TG: variants seen among roughly 807,000 people sequenced by gnomAD.
TG encodes thyroglobulin, also known as thyroid hormones.
Under a neutral mutation model 324.7 loss-of-function variants are expected in TG, and 270 were observed. The observed-to-expected ratio is 0.83, with a 90% CI of 0.75 to 0.92. The LOEUF (loss-of-function observed/expected upper bound fraction) is 0.92, where lower values mean the gene tolerates loss of function less well. Ranked by LOEUF, TG falls within the 40% of genes least tolerant of loss-of-function variation. The probability of loss-of-function intolerance (pLI) is 0.00; values close to 1 mark genes in which losing one functional copy is unlikely to be tolerated. For missense variants in TG, 3,591 were observed against 3,456.4 expected (o/e 1.04, Z -0.98); for synonymous variants, 1,401 against 1,327.0 (o/e 1.06, Z -1.21).
chr8:133,038,828 A>G (rs1327054522), intron 41 of TG: 5 of 779,512 alleles, frequency 6.4e-6, no homozygotes, highest in African/African-American at 3.5e-5. Flanking sequence ...TGAGAACAGG[A>G]GGAAAAGAAA....
At chr8:133,051,017 G>T (rs1490950396) in intron 41 of TG, 4 of 681,504 alleles carry the variant, frequency 5.9e-6, no homozygotes, top group Non-Finnish European at 7.9e-6. Context: ...AGATTTTCCA[G>T]CAGGAAATAC....
Position 133,018,171 on chromosome 8 carries a change from A to T in TG, c.6782+174A>T, listed in dbSNP as rs569812217. Among the ~76,000 whole-genome samples the T allele has an allele frequency of 2.6e-5, 4 of 152,374 alleles. No homozygotes were observed. In the East Asian group the frequency reaches 7.7e-4, roughly 29 times the overall value. ...TGCTGTGACAGATAAACTCCTAAGT[A>T]ACAGTGGCTTAACACTGTTTTGCTC... is the stretch of plus-strand genomic sequence containing the variant. On this transcript the variant is annotated intron_variant, in intron 38 of 47. Transcript: ENST00000220616.
chr8:132,917,363 A>G (rs774817020), intron 20 of TG, among the ~76,000 whole-genome samples: 39 of 149,940 alleles, frequency 2.6e-4, no homozygotes, highest in Non-Finnish European at 5.2e-4. Flanking sequence ...AGCAGACAGA[A>G]GGTAGTGCAT....
At chr8:132,977,045 C>T (rs6998423) in intron 34 of TG, among the ~76,000 whole-genome samples, 61,514 of 152,004 alleles carry the variant, frequency 0.4, 13,321 homozygotes, top group African/African-American at 0.55. Context: ...AGCCAAAACA[C>T]ACTTATTAGC....
In TG at chr8:132,906,865, G is replaced by T; in HGVS notation, c.3812G>T (p.Trp1271Leu). The change falls in exon 17 of 48, where the codon TGG becomes TTG. Residue 1271 changes from tryptophan to leucine, a missense_variant. Trp to Leu is a moderately conservative substitution (Grantham distance 61, BLOSUM62 -2). Coordinates refer to ENST00000220616, the MANE Select transcript of TG (RefSeq NM_003235.5). ...ATATGTAGCCTGGAGAGCGGACGCT[G>T]GGAGTCACAGCTGCCTCAGCCCCGG... is the stretch of plus-strand genomic sequence containing the variant. ...PLICSLESGRWESQLPQPRAC... is the reference protein window; with the variant it reads ...PLICSLESGRLESQLPQPRAC... 6.2e-7 allele frequency: 1 copy of T among 1,613,634 alleles called. No individual in the cohort carries two copies. Among genetic ancestry groups the T allele is most frequent in the Non-Finnish European group, 8.5e-7 (1 of 1,179,884 alleles).
chr8:132,961,528 G>A (rs1199625658), intron 28 of TG, among the ~76,000 whole-genome samples: 1 of 152,156 alleles, frequency 6.6e-6, no homozygotes, highest in African/African-American at 2.4e-5. Flanking sequence ...ACAGAGTGTG[G>A]GAAAAATGGA....
chr8:132,899,409 A>G (rs1466520262), intron 14 of TG, among the ~76,000 whole-genome samples: 1 of 152,186 alleles, frequency 6.6e-6, no homozygotes, highest in East Asian at 1.9e-4. Context: ...TTAACCACTT[A>G]CTTGCCAAGT....
intron 35 of TG, among the ~76,000 whole-genome samples, chr8:133,011,438 C>T (rs1279208927): frequency 6.6e-6 from 1 of 152,072 alleles, no homozygotes; most frequent in South Asian, 2.1e-4. Context: ...TAAATGGCAC[C>T]CCACAGTGTC....
At chr8:133,080,568 C>T (rs967810784) in intron 41 of TG, among the ~76,000 whole-genome samples, 5 of 152,300 alleles carry the variant, frequency 3.3e-5, no homozygotes, top group Middle Eastern at 3.4e-3. Context: ...CCTCCTCAAG[C>T]AGCTGCCCCA....
chr8:132,887,554 T>C lies in TG; in HGVS notation c.2176+6T>C. ...AATAGGGAAGCCCAAGAAATGTAAG[T>C]CTGTTGGGTATTCAATCTGTAGGTT... On this transcript the variant is annotated splice_donor_region_variant and intron_variant, in intron 9 of 47. Transcript: ENST00000220616. The C allele has an allele frequency of 6.2e-7, 1 of 1,614,154 alleles. No homozygotes were observed. The highest frequency in any genetic ancestry group is 1.1e-5 in the South Asian group (1 of 91,080).
chr8:133,059,219 C>G (rs1160161599), intron 41 of TG: 1 of 445,100 alleles, frequency 2.2e-6, no homozygotes, highest in East Asian at 7.0e-5. Flanking sequence ...CACCAGGCCC[C>G]AAATGCTACC....
chr8:132,903,213 T>C (rs984394763), intron 16 of TG, among the ~76,000 whole-genome samples: 2 of 152,208 alleles, frequency 1.3e-5, no homozygotes, highest in Admixed American at 1.3e-4. Flanking sequence ...CCTCTCCTTA[T>C]AAGGGAGCAG....
At position 133,024,006 on chromosome 8, in the gene TG, G is replaced by A. The variant is rs150659100; in HGVS notation, c.7036+1856G>A. On this transcript the variant is annotated intron_variant, in intron 40 of 47. Transcript: ENST00000220616. Reference sequence around the variant, plus strand: ...AGAGAGAAGGAAAGTTACACTTATGGAGTGTGTCTGTCTTCACCAGATATT... The same window carrying A: ...AGAGAGAAGGAAAGTTACACTTATGAAGTGTGTCTGTCTTCACCAGATATT... Among the ~76,000 whole-genome samples the A allele has an allele frequency of 2.6e-5, 4 of 152,358 alleles. No homozygotes were observed. In the East Asian group the frequency reaches 7.7e-4, roughly 29 times the overall value.
chr8:132,870,666 C>T (rs115383812), intron 3 of TG, among the ~76,000 whole-genome samples: 136 of 151,948 alleles, frequency 9.0e-4, no homozygotes, highest in Non-Finnish European at 1.5e-3. Context: ...CAGGCTGTGC[C>T]GAAGCATGCC....
intron 1 of TG, among the ~76,000 whole-genome samples, 179 bp downstream of exon 1, chr8:132,867,246 T>C (rs776965351): frequency 2.0e-5 from 3 of 152,142 alleles, no homozygotes; most frequent in Non-Finnish European, 4.4e-5. Context: ...ACTGAATTAC[T>C]TGAGGTCACA....
At chr8:132,979,589 A>G (rs1048757234) in intron 34 of TG, among the ~76,000 whole-genome samples, 1 of 152,238 alleles carries the variant, frequency 6.6e-6, no homozygotes, top group Non-Finnish European at 1.5e-5. Flanking sequence ...TGCTGGCACT[A>G]GGCTAGCATT....
intron 14 of TG, among the ~76,000 whole-genome samples, 174 bp from the exon 15 acceptor site, chr8:132,900,063 A>G (rs1169994474): frequency 1.3e-5 from 2 of 152,166 alleles, no homozygotes; most frequent in Non-Finnish European, 2.9e-5. Context: ...CAATCAAATG[A>G]TGCACGTAAA....
chr8:133,123,400 C>G (rs1403014883), intron 45 of TG, among the ~76,000 whole-genome samples: 1 of 152,114 alleles, frequency 6.6e-6, no homozygotes. Flanking sequence ...CAGAGGGGCT[C>G]TGGCCTGCTG....
intron 37 of TG, among the ~76,000 whole-genome samples, chr8:133,014,975 C>G (rs10956687): frequency 6.6e-6 from 1 of 151,984 alleles, no homozygotes; most frequent in East Asian, 1.9e-4. Context: ...AACCTCTGCC[C>G]CCCGGGTTCA....
Sources: gnomAD v4.1 joint callset for allele counts (sites outside exome capture counted in the v4.1 genomes callset) on GRCh38, gnomAD v4.1.1 for gene constraint, MANE v1.5 for transcripts, NCBI Gene and HGNC (gene_info 2026-07-23, HGNC 2026-07-21) for gene names.